TRRAP: variants seen among roughly 807,000 people sequenced by gnomAD.
TRRAP encodes the protein transformation/transcription domain associated protein.
Under a neutral mutation model 438.8 loss-of-function variants are expected in TRRAP, and 41 were observed. That is an observed-to-expected ratio of 0.09 (90% CI 0.07 to 0.12). The LOEUF (loss-of-function observed/expected upper bound fraction) is 0.12, where lower values mean the gene tolerates loss of function less well. TRRAP is among the 10% of genes least tolerant of loss of function. The pLI is 1.00. For missense variants in TRRAP, 3,122 were observed against 5,055.1 expected (o/e 0.62, Z 11.60); for synonymous variants, 1,994 against 1,962.9 (o/e 1.02, Z -0.42).
intron 30 of TRRAP, among the ~76,000 whole-genome samples, chr7:98,938,476 C>A (rs310737): frequency 0.15 from 22,696 of 152,148 alleles, 5,335 homozygotes; most frequent in African/African-American, 0.5. Context: ...AGGGTTAAGA[C>A]TTTGTTGTGT....
At position 98,950,065 on chromosome 7, in the gene TRRAP, A is replaced by G. The variant is rs1291628857; in HGVS notation, c.5137A>G (p.Arg1713Gly). 1.3e-5 allele frequency: 21 copies of G among 1,614,044 alleles called. No individual in the cohort carries two copies. The African/African-American group carries it at 2.7e-4, about 21-fold the overall frequency. The change falls in exon 38 of 73, where the codon AGG becomes GGG. Residue 1713 changes from arginine to glycine, a missense_variant and splice_region_variant. This residue lies in a region of TRRAP where 272 missense variants were observed against 348.5 expected (regional missense o/e 0.78). Coordinates refer to ENST00000456197, the MANE Select transcript of TRRAP (RefSeq NM_001375524.1). ...LAYCLLNYCK[R>G]NYGDIELLFQ... Reference sequence around the variant, plus strand: ...TGTCTTCTTCTTTTGACCCTCCAGAAGGAATTACGGAGATATAGAATTGCT... The same window carrying G: ...TGTCTTCTTCTTTTGACCCTCCAGAGGGAATTACGGAGATATAGAATTGCT...
chr7:98,933,373 G>A lies in TRRAP; in HGVS notation c.3985G>A (p.Val1329Met), dbSNP rs781886349. 8 of 1,614,096 alleles carry A rather than the reference G, an allele frequency of 5.0e-6. No individual in the cohort carries two copies. In the South Asian group the frequency reaches 5.5e-5, roughly 11 times the overall value. ...CAGGCTCTTCACAATGGACCTTAAC[G>A]TGGTGGAGCATAAGGTGTTCTACAC... ...QPRLFTMDLNVVEHKVFYTEL... is the reference protein window; with the variant it reads ...QPRLFTMDLNMVEHKVFYTEL... Residue 1329 changes from valine to methionine, a missense_variant, in exon 27 of 73, where the codon GTG (valine) becomes ATG (methionine). Val to Met is a conservative substitution (Grantham distance 21, BLOSUM62 1). This residue lies in a region of TRRAP where 84 missense variants were observed against 119.8 expected (regional missense o/e 0.70). Coordinates refer to ENST00000456197, the MANE Select transcript of TRRAP (RefSeq NM_001375524.1).
At chr7:98,941,253 G>A (rs1790783375) in intron 30 of TRRAP, among the ~76,000 whole-genome samples, 1 of 152,128 alleles carries the variant, frequency 6.6e-6, no homozygotes, top group Non-Finnish European at 1.5e-5. Flanking sequence ...ATAGCTCACT[G>A]CAACCTCCAT....
At chr7:99,004,445 A>G in intron 68 of TRRAP, 30 bp downstream of exon 68, 1 of 1,597,924 alleles carries the variant, frequency 6.3e-7, no homozygotes, top group Non-Finnish European at 8.6e-7. Flanking sequence ...AGGTGGAACT[A>G]ACCCACGGCG....
rs782149250 is a variant in TRRAP, at chr7:98,921,935, C to T, written c.2805C>T (p.Leu935=). Residue 935 remains leucine (L), a synonymous_variant, in exon 21 of 73, where the codon CTC becomes CTT. Coordinates refer to ENST00000456197, the MANE Select transcript of TRRAP (RefSeq NM_001375524.1). ...TVEFSDCKAS[L]QLPMEKAIET... ...AGTTTTCCGACTGCAAAGCTTCTCT[C>T]CAGCTCCCCATGGAGAAGGTAAGCT... 2 of 1,614,112 alleles carry T rather than the reference C, an allele frequency of 1.2e-6. No individual in the cohort carries two copies. The highest frequency in any genetic ancestry group is 1.1e-5 in the South Asian group (1 of 91,090).
At chr7:98,936,890 A>T (rs1790581452) in intron 28 of TRRAP, among the ~76,000 whole-genome samples, 1 of 152,166 alleles carries the variant, frequency 6.6e-6, no homozygotes, top group Non-Finnish European at 1.5e-5. Flanking sequence ...ACTAGGAAAG[A>T]GGGCTCGTGG....
At chr7:99,006,760 C>T (rs1794180786) in intron 69 of TRRAP, among the ~76,000 whole-genome samples, 1 of 152,216 alleles carries the variant, frequency 6.6e-6, no homozygotes, top group Non-Finnish European at 1.5e-5. Context: ...TCTTTCAGCT[C>T]CCTCCAACTT....
intron 70 of TRRAP, among the ~76,000 whole-genome samples, chr7:99,009,990 C>T (rs1479247708): frequency 1.3e-5 from 2 of 149,188 alleles, no homozygotes; most frequent in Non-Finnish European, 2.9e-5. Context: ...TGGGTTCAAG[C>T]GATTCTTCTG....
intron 58 of TRRAP, among the ~76,000 whole-genome samples, chr7:98,980,521 G>A (rs1350700300): frequency 6.6e-6 from 1 of 152,138 alleles, no homozygotes; most frequent in Non-Finnish European, 1.5e-5. Flanking sequence ...TTTTAGGGCA[G>A]AAAGGAACAC....
At chr7:98,964,961 A>AATTATTAAG (rs1792085298) in intron 48 of TRRAP, among the ~76,000 whole-genome samples, 186 bp downstream of exon 48, 4 of 152,344 alleles carry the variant, frequency 2.6e-5, no homozygotes, top group Admixed American at 2.0e-4. Context: ...TTAAAAATGG[A>AATTATTAAG]CTGTTATTAA....
chr7:98,889,712 C>T (rs564751590), intron 3 of TRRAP, among the ~76,000 whole-genome samples: 2 of 152,016 alleles, frequency 1.3e-5, no homozygotes, highest in Admixed American at 1.3e-4. Context: ...GCCACAATGC[C>T]CAGCTTTTTA....
chr7:98,920,079 G>C (rs1262532172), intron 20 of TRRAP, among the ~76,000 whole-genome samples: 1 of 152,204 alleles, frequency 6.6e-6, no homozygotes, highest in Non-Finnish European at 1.5e-5. Flanking sequence ...AGAGAAATTG[G>C]AATTTTGCTT....
At chr7:98,990,664 G>T (rs1365871324) in intron 64 of TRRAP, 45 bp downstream of exon 64, 2 of 1,557,830 alleles carry the variant, frequency 1.3e-6, no homozygotes, top group Non-Finnish European at 1.7e-6. Flanking sequence ...AAAACATTGT[G>T]TCTTCATTTT....
chr7:98,881,571 C>CAAAA (rs35358303), intron 2 of TRRAP: 7 of 124,078 alleles, frequency 5.6e-5, no homozygotes, highest in Non-Finnish European at 9.8e-5. Context: ...GACTCCCTCT[C>CAAAA]AAAAAAAAAA....
At position 98,933,231 on chromosome 7, in the gene TRRAP, G is replaced by A. The variant is rs782549637; in HGVS notation, c.3853-10G>A. The A allele has an allele frequency of 6.2e-7, 1 of 1,606,336 alleles. No individual in the cohort carries two copies. The highest frequency in any genetic ancestry group is 8.5e-7 in the Non-Finnish European group (1 of 1,176,136). ...GCTGGTGAGTGGTGCCTCCTCCTTGGCTTCCCCAGGTCCTGCAGGATATGG... is the reference window on the plus strand; with the variant it reads ...GCTGGTGAGTGGTGCCTCCTCCTTGACTTCCCCAGGTCCTGCAGGATATGG... On this transcript the variant is annotated splice_polypyrimidine_tract_variant and intron_variant, in intron 26 of 72. Transcript: ENST00000456197.
At chr7:98,894,713 A>C (rs1281789302) in intron 6 of TRRAP, among the ~76,000 whole-genome samples, 2 of 151,172 alleles carry the variant, frequency 1.3e-5, no homozygotes, top group Non-Finnish European at 2.9e-5. Flanking sequence ...CCCGGATTCA[A>C]GCGATTCTCC....
At chr7:98,954,548 C>T (rs1256204399) in intron 40 of TRRAP, among the ~76,000 whole-genome samples, 1 of 152,230 alleles carries the variant, frequency 6.6e-6, no homozygotes, top group Non-Finnish European at 1.5e-5. Flanking sequence ...CAGACACAAA[C>T]ACTCGAGAAC....
At chr7:98,926,267 G>A (rs1211379106) in intron 22 of TRRAP, among the ~76,000 whole-genome samples, 9 of 152,078 alleles carry the variant, frequency 5.9e-5, no homozygotes, top group African/African-American at 2.2e-4. Context: ...ATTAAACAGT[G>A]TGCAGATCCG....
intron 8 of TRRAP, among the ~76,000 whole-genome samples, chr7:98,898,283 G>T (rs1430421231): frequency 2.0e-5 from 3 of 152,218 alleles, no homozygotes; most frequent in African/African-American, 7.2e-5. Flanking sequence ...CTGACTCCAA[G>T]AAAGTTAATG....
Sources: allele counts gnomAD v4.1 joint callset (sites outside exome capture counted in the v4.1 genomes callset), GRCh38; gene constraint gnomAD v4.1.1; regional missense constraint gnomAD v4.1.1; transcripts MANE v1.5; gene names NCBI Gene and HGNC (gene_info 2026-07-23, HGNC 2026-07-21).